SLC14A2: variants seen among roughly 807,000 people sequenced by gnomAD.
The protein encoded by SLC14A2 is urea transporter 2.
In SLC14A2, 91 loss-of-function variants were observed where a neutral mutation model predicts 104.6. The observed-to-expected ratio is 0.87, with a 90% CI of 0.73 to 1.04. The LOEUF (loss-of-function observed/expected upper bound fraction) is 1.04. SLC14A2 is among the 50% of genes least tolerant of loss of function. The probability of loss-of-function intolerance (pLI) is 0.00; values close to 1 mark genes in which losing one functional copy is unlikely to be tolerated. For missense variants in SLC14A2, 1,189 were observed against 1,156.0 expected (o/e 1.03, Z -0.41); for synonymous variants, 476 against 466.4 (o/e 1.02, Z -0.27).
At chr18:45,181,831 T>TAAGTAGATTA in the SLC14A2 span, among the ~76,000 whole-genome samples, 1 of 152,128 alleles carries the variant, frequency 6.6e-6, no homozygotes, top group Non-Finnish European at 1.5e-5. Flanking sequence ...GACTCTTTAT[T>TAAGTAGATTA]AAGTAGATTA....
At chr18:45,642,913 C>T (rs1025638847) in intron 8 of SLC14A2, among the ~76,000 whole-genome samples, 3 of 152,184 alleles carry the variant, frequency 2.0e-5, no homozygotes, top group African/African-American at 4.8e-5. Flanking sequence ...AATCTCTGCC[C>T]GAAGAATGAA....
chr18:45,622,831 A>G (rs2144496699), intron 1 of SLC14A2, among the ~76,000 whole-genome samples: 1 of 152,330 alleles, frequency 6.6e-6, no homozygotes, highest in East Asian at 1.9e-4. Context: ...GCCATAGCAG[A>G]AAGCAGACTG....
chr18:45,668,509 T>C, intron 15 of SLC14A2, 32 bp downstream of exon 15: 4 of 1,612,622 alleles, frequency 2.5e-6, no homozygotes, highest in Middle Eastern at 1.7e-4. Flanking sequence ...TGTGGGTTCA[T>C]ATCAATGGCC....
chr18:45,640,313 G>T (rs369689217), intron 7 of SLC14A2, among the ~76,000 whole-genome samples: 2 of 152,124 alleles, frequency 1.3e-5, no homozygotes, highest in African/African-American at 4.8e-5. Flanking sequence ...ATGCAAGGGG[G>T]TAAGAACCAA....
At chr18:45,452,281 G>T (rs2086870356) in intron 1 of SLC14A2, among the ~76,000 whole-genome samples, 1 of 152,068 alleles carries the variant, frequency 6.6e-6, no homozygotes, top group African/African-American at 2.4e-5. Flanking sequence ...CAGCACTTGG[G>T]GTACTAACAA....
rs929226693 is a variant in SLC14A2, at chr18:45,682,444, C to A, written c.2688C>A (p.Arg896=). Residue 896 remains arginine, a synonymous_variant, in exon 20 of 20, where the codon CGC becomes CGA. Coordinates refer to ENST00000255226, the MANE Select transcript of SLC14A2 (RefSeq NM_007163.4). The stretch of plus-strand genomic sequence containing the variant: ...AAGTCACCTACCCAGAGGCCAACCG[C>A]ATCTACTACCTGTCCCAGGAGAGAA... The part of the protein sequence containing the change: ...LSKVTYPEAN[R]IYYLSQERNR... 3 of 1,614,196 alleles carry A rather than the reference C, an allele frequency of 1.9e-6. No homozygotes were observed. The highest frequency in any genetic ancestry group is 2.5e-6 in the Non-Finnish European group (3 of 1,180,024).
chr18:45,648,195 CTT>C (rs59843067), intron 10 of SLC14A2, among the ~76,000 whole-genome samples: 83 of 101,166 alleles, frequency 8.2e-4, no homozygotes, highest in African/African-American at 2.7e-3. Context: ...CTAGTTAATG[CTT>C]TTTTTTTTTT....
At chr18:45,583,555 A>G (rs542547913) in intron 2 of SLC14A2, among the ~76,000 whole-genome samples, 3 of 152,206 alleles carry the variant, frequency 2.0e-5, no homozygotes, top group Non-Finnish European at 4.4e-5. Flanking sequence ...TATTTATTCA[A>G]TGATTGTGGA....
the SLC14A2 span, among the ~76,000 whole-genome samples, chr18:45,185,512 T>A: frequency 6.6e-6 from 1 of 152,142 alleles, no homozygotes; most frequent in African/African-American, 2.4e-5. Flanking sequence ...ATGAAAGGCA[T>A]CTACAATAAA....
chr18:45,246,465 T>C (rs1037028888), intron 1 of SLC14A2, among the ~76,000 whole-genome samples: 2 of 152,184 alleles, frequency 1.3e-5, no homozygotes, highest in Non-Finnish European at 1.5e-5. Flanking sequence ...TAGTGTATTG[T>C]TAGTATTAGT....
chr18:45,558,763 A>G (rs984719248), intron 2 of SLC14A2, among the ~76,000 whole-genome samples: 1 of 152,232 alleles, frequency 6.6e-6, no homozygotes, highest in Non-Finnish European at 1.5e-5. Flanking sequence ...CCAGGGTTCT[A>G]TCTTTCCAAG....
chr18:45,193,911 A>G, the SLC14A2 span, among the ~76,000 whole-genome samples: 4 of 152,096 alleles, frequency 2.6e-5, no homozygotes, highest in Admixed American at 6.5e-5. Flanking sequence ...GTGTTTTTCA[A>G]TGTATAAATC....
At chr18:45,241,023 C>T (rs1470915355) in intron 1 of SLC14A2, among the ~76,000 whole-genome samples, 1 of 152,146 alleles carries the variant, frequency 6.6e-6, no homozygotes, top group African/African-American at 2.4e-5. Flanking sequence ...AGACTTGCTC[C>T]TACCCTCTGA....
chr18:45,543,760 T>A (rs2043925218), intron 2 of SLC14A2, among the ~76,000 whole-genome samples: 1 of 152,258 alleles, frequency 6.6e-6, no homozygotes, highest in Non-Finnish European at 1.5e-5. Flanking sequence ...CAAAAGCCTG[T>A]TGCAGTGTTG....
intron 5 of SLC14A2, among the ~76,000 whole-genome samples, chr18:45,634,407 A>G (rs2045387633): frequency 6.6e-6 from 1 of 152,244 alleles, no homozygotes; most frequent in African/African-American, 2.4e-5. Flanking sequence ...AGATGTGATA[A>G]GTGCTTTGAG....
chr18:45,576,496 G>C (rs569336345), intron 2 of SLC14A2, among the ~76,000 whole-genome samples: 116 of 151,998 alleles, frequency 7.6e-4, no homozygotes, highest in African/African-American at 2.7e-3. Flanking sequence ...TATTGGCCAG[G>C]CTGGTCTCGA....
intron 1 of SLC14A2, among the ~76,000 whole-genome samples, chr18:45,408,934 G>A (rs1248892633): frequency 6.6e-6 from 1 of 152,130 alleles, no homozygotes; most frequent in Non-Finnish European, 1.5e-5. Flanking sequence ...GGTGTACATT[G>A]AGCACAACAG....
chr18:45,214,385 A>T (rs781016759), intron 1 of SLC14A2, among the ~76,000 whole-genome samples: 20 of 152,074 alleles, frequency 1.3e-4, no homozygotes, highest in Non-Finnish European at 2.8e-4. Context: ...GGTTGGGGAG[A>T]TAGAGAGGGA....
At chr18:45,196,523 A>G in the SLC14A2 span, among the ~76,000 whole-genome samples, 1 of 152,328 alleles carries the variant, frequency 6.6e-6, no homozygotes, top group African/African-American at 2.4e-5. Context: ...TCTCTAAGTC[A>G]AAATCTGCTT....
Sources: allele counts gnomAD v4.1 joint callset (sites outside exome capture counted in the v4.1 genomes callset), GRCh38; gene constraint gnomAD v4.1.1; transcripts MANE v1.5; gene names NCBI Gene and HGNC (gene_info 2026-07-23, HGNC 2026-07-21).